CEP135: variants seen among roughly 807,000 people sequenced by gnomAD.
The protein encoded by CEP135 is centrosomal protein 135.
CEP135 carries 142 observed loss-of-function variants against 157.3 expected under a neutral mutation model. The ratio of observed to expected loss-of-function variants is 0.90; its 90% confidence interval spans 0.79 to 1.04. The LOEUF (loss-of-function observed/expected upper bound fraction) is 1.04. Ranked by LOEUF, CEP135 falls within the 50% of genes least tolerant of loss-of-function variation. The pLI, the probability that CEP135 is intolerant of heterozygous loss-of-function variation, is 0.00. For missense variants in CEP135, 1,317 were observed against 1,309.2 expected, an observed-to-expected ratio of 1.01 and a Z score of -0.09; for synonymous variants, 396 against 439.8, an observed-to-expected ratio of 0.90 and a Z score of 1.25.
chr4:55,984,305 CTCT>C, intron 13 of CEP135, among the ~76,000 whole-genome samples: 1 of 152,314 alleles, frequency 6.6e-6, no homozygotes, highest in East Asian at 1.9e-4. Flanking sequence ...ACATCTTCCA[CTCT>C]TCTTGTCTAG....
At chr4:55,955,198 G>A (rs551407973) in intron 4 of CEP135, among the ~76,000 whole-genome samples, 22 of 152,290 alleles carry the variant, frequency 1.4e-4, no homozygotes, top group South Asian at 2.1e-4. Flanking sequence ...TGAACCATGG[G>A]ATCAAGATTA....
At chr4:56,026,126 T>C (rs1435255114) in intron 25 of CEP135, among the ~76,000 whole-genome samples, 5 of 152,102 alleles carry the variant, frequency 3.3e-5, no homozygotes, top group Admixed American at 3.3e-4. Context: ...GGAGAATTGC[T>C]TGAACCCAGG....
chr4:55,971,330 G>T lies in CEP135; in HGVS notation c.1171G>T (p.Asp391Tyr). 1 of 1,607,312 alleles carries T rather than the reference G, an allele frequency of 6.2e-7. No individual in the cohort carries two copies. Among genetic ancestry groups the T allele is most frequent in the South Asian group, 1.1e-5 (1 of 89,968 alleles). ...GAGTGATGAACTCCTTGTAAAATCA[G>T]ACCTAGAAACTGTTGTTCATCAGCT... is the stretch of plus-strand genomic sequence containing the variant. Reference protein sequence around the residue: ...RLSDELLVKSDLETVVHQLEQ... With the variant: ...RLSDELLVKSYLETVVHQLEQ... The change falls in exon 10 of 26, where the codon GAC (aspartate) becomes TAC (tyrosine). Residue 391 changes from aspartate (D) to tyrosine (Y), a missense_variant. Transcript: ENST00000257287.
intron 13 of CEP135, 92 bp from the exon 14 acceptor site, chr4:55,985,189 T>C (rs2109690966): frequency 1.7e-6 from 1 of 576,752 alleles, no homozygotes; most frequent in Non-Finnish European, 3.2e-6. Context: ...ACAAATACAA[T>C]ATAATAGAAC....
rs551280360 is a variant in CEP135 at position 55,964,382 on chromosome 4, A to T, written c.808A>T (p.Ile270Phe). Residue 270 changes from isoleucine (I) to phenylalanine (F), a missense_variant, in exon 7 of 26, where the codon ATT becomes TTT. Coordinates refer to ENST00000257287, the MANE Select transcript of CEP135 (RefSeq NM_025009.5). The part of the protein sequence containing the change: ...ESRNKTNEKL[I>F]AHLNIQVDFL... ...TAGAAATAAAACCAATGAAAAGCTT[A>T]TTGCTCATTTAAATATTCAGGTAAT... 2 of 1,608,532 alleles carry T rather than the reference A, an allele frequency of 1.2e-6. No homozygotes were observed. Among genetic ancestry groups the T allele is most frequent in the Non-Finnish European group, 1.7e-6 (2 of 1,176,056 alleles).
chr4:55,981,178 T>C (rs1729392039), intron 12 of CEP135, 49 bp from the exon 13 acceptor site: 15 of 1,510,396 alleles, frequency 9.9e-6, no homozygotes, highest in Non-Finnish European at 1.3e-5. Flanking sequence ...TTTTTATTTA[T>C]ATCTTTTACT....
chr4:55,978,758 C>T lies in CEP135; in HGVS notation c.1474-1385C>T, dbSNP rs536291736. On this transcript the variant is annotated intron_variant, in intron 11 of 25. Coordinates refer to ENST00000257287, the MANE Select transcript of CEP135 (RefSeq NM_025009.5). ...CAGAGGCAGGTCTTGCTCTTTTGCC[C>T]GGGCTGGTCATGAATTCCTGGCCTC... is the stretch of plus-strand genomic sequence containing the variant. Among the ~76,000 whole-genome samples the T allele has an allele frequency of 9.2e-5, 14 of 152,276 alleles. No homozygotes were observed. The South Asian group carries it at 1.9e-3, about 20-fold the overall frequency.
Position 55,999,520 on chromosome 4 carries a change from GA to G in CEP135, c.2156del (p.Asp719ValfsTer6). The G allele has an allele frequency of 6.2e-7, 1 of 1,611,344 alleles. No homozygotes were observed. The highest frequency in any genetic ancestry group is 8.5e-7 in the Non-Finnish European group (1 of 1,179,474). On this transcript the variant is annotated frameshift_variant, in exon 17 of 26. Coordinates refer to ENST00000257287, the MANE Select transcript of CEP135 (RefSeq NM_025009.5). LOFTEE classifies it high-confidence loss of function. Reference sequence around the variant, plus strand: ...ACTAAACCTTAAGATGACTTCACAGGATGAGGAGGCTCATGTAATGAAAAAG... The same window carrying G: ...ACTAAACCTTAAGATGACTTCACAGGTGAGGAGGCTCATGTAATGAAAAAG... ...DELNLKMTSQ[D>X]EEAHVMKKTI...
chr4:55,999,276 T>C, intron 15 of CEP135, 26 bp from the exon 16 acceptor site: 1 of 1,513,896 alleles, frequency 6.6e-7, no homozygotes, highest in Non-Finnish European at 9.1e-7. Context: ...AAGAATACCA[T>C]TTGTTTTTGT....
rs145805774 is a variant in CEP135 at position 55,952,875 on chromosome 4, A to G, written c.114-210A>G. Among the ~76,000 whole-genome samples the G allele has an allele frequency of 9.5e-4, 145 of 152,300 alleles. 1 individual carries two copies. Among genetic ancestry groups the G allele is most frequent in the East Asian group, 8.9e-3 (46 of 5,190 alleles). ...TATTGTGTTGTGCTACAGTGTTACA[A>G]TGGCCAGATCTCATGAGGCAATAGG... On this transcript the variant is annotated intron_variant, in intron 2 of 25. Transcript: ENST00000257287.
intron 11 of CEP135, among the ~76,000 whole-genome samples, chr4:55,979,120 A>G (rs28610174): frequency 0.22 from 33,671 of 152,174 alleles, 3,853 homozygotes; most frequent in Middle Eastern, 0.28. Context: ...GTTACATAGT[A>G]TAGGCCAGGT....
At position 56,024,589 on chromosome 4, in the gene CEP135, C is replaced by G; in HGVS notation, c.3409C>G (p.His1137Asp). The G allele has an allele frequency of 6.2e-7, 1 of 1,610,962 alleles. No individual in the cohort carries two copies. Among genetic ancestry groups the G allele is most frequent in the South Asian group, 1.1e-5 (1 of 90,996 alleles). The change falls in exon 25 of 26, where the codon CAT (histidine) becomes GAT (aspartate). Residue 1137 changes from histidine (H) to aspartate (D), a missense_variant. His to Asp is a moderately conservative substitution (Grantham distance 81). Transcript: ENST00000257287. ...TLRSPSHSPE[H>D]RNV The stretch of plus-strand genomic sequence containing the variant: ...GAGGTCTCCTTCACATTCTCCTGAA[C>G]ATAGAAATGTGTAATTATCAGAAAG...
At chr4:55,965,907 A>G (rs1281661291) in intron 8 of CEP135, 48 bp downstream of exon 8, 1 of 1,446,740 alleles carries the variant, frequency 6.9e-7, no homozygotes, top group Non-Finnish European at 9.6e-7. Context: ...TAATTCTCCT[A>G]GCACACGGTA....
intron 6 of CEP135, among the ~76,000 whole-genome samples, chr4:55,961,764 TAAAAAAAAAAAAAAAA>T (rs564116620): frequency 3.0e-4 from 16 of 54,214 alleles, no homozygotes; most frequent in East Asian, 9.3e-4. Context: ...AAACTCTGTC[TAAAAAAAAAAAAAAAA>T]AAAAAAAAAA....
At position 56,032,847 on chromosome 4, in the gene CEP135, A is replaced by AAT. The variant is rs1553897012; in HGVS notation, c.*1499_*1500insAT. The AAT allele has an allele frequency of 6.7e-6, 1 of 149,730 alleles. No homozygotes were observed. Among genetic ancestry groups the AAT allele is most frequent in the Non-Finnish European group, 1.5e-5 (1 of 67,348 alleles). 9.3% of individuals were successfully genotyped at this position (149,730 alleles called of 1,614,324 possible). A position where few individuals can be genotyped will look rare whatever the true frequency, so the allele number is the denominator to read the frequency against. The stretch of plus-strand genomic sequence containing the variant: ...TTCCTCTTGTGGTTTAATAAAGTGA[A>AAT]GTGTGTGTGTGTGTGTGTGTGTGTA... On this transcript the variant is annotated 3_prime_UTR_variant, in exon 26 of 26. Coordinates refer to ENST00000257287, the MANE Select transcript of CEP135 (RefSeq NM_025009.5).
In CEP135 at chr4:56,024,531, T is replaced by A. The variant is rs1280750501; in HGVS notation, c.3351T>A (p.His1117Gln). The stretch of plus-strand genomic sequence containing the variant: ...GAGCAATCCAAGAGATGCGTCGACA[T>A]GGTCTTGCTACACCACCCCTTAGTT... ...RERAIQEMRR[H>Q]GLATPPLSST... The change falls in exon 25 of 26, where the codon CAT becomes CAA. Residue 1117 changes from histidine (H) to glutamine (Q), a missense_variant. Transcript: ENST00000257287. The A allele has an allele frequency of 6.2e-7, 1 of 1,613,894 alleles. No individual in the cohort carries two copies. The highest frequency in any genetic ancestry group is 8.5e-7 in the Non-Finnish European group (1 of 1,179,852).
Position 55,963,878 on chromosome 4 carries a change from T to C in CEP135, c.700-396T>C, listed in dbSNP as rs562402954. On this transcript the variant is annotated intron_variant, in intron 6 of 25. Transcript: ENST00000257287. The stretch of plus-strand genomic sequence containing the variant: ...AGGTTCAGTAGCAACTTACTTTTCT[T>C]AGTGTGTTACACTCATTCATTTATT... 2.6e-5 allele frequency among the ~76,000 whole-genome samples: 4 copies of C among 152,358 alleles called. 1 individual carries two copies. Among genetic ancestry groups the C allele is most frequent in the African/African-American group, 9.6e-5 (4 of 41,590 alleles).
chr4:55,979,225 ATTTGTTAT>A (rs1338584748), intron 11 of CEP135, among the ~76,000 whole-genome samples: 3 of 151,792 alleles, frequency 2.0e-5, no homozygotes, highest in Non-Finnish European at 4.4e-5. Context: ...CCAAGTCTAC[ATTTGTTAT>A]TTTTCTTTTT....
chr4:55,990,280 C>T, intron 14 of CEP135, among the ~76,000 whole-genome samples: 1 of 151,994 alleles, frequency 6.6e-6, no homozygotes, highest in South Asian at 2.1e-4. Context: ...ATTCTTATTC[C>T]TTTACTGTCA....
Sources: allele counts gnomAD v4.1 joint callset (sites outside exome capture counted in the v4.1 genomes callset), GRCh38; gene constraint gnomAD v4.1.1; transcripts MANE v1.5; gene names NCBI Gene and HGNC (gene_info 2026-07-23, HGNC 2026-07-21).